The following MX2 variants were observed in gnomAD, a reference collection of about 807,000 sequenced individuals.
MX2 encodes interferon-induced GTP-binding protein Mx2.
A neutral mutation model predicts 74.0 loss-of-function variants in MX2; 51 were observed. The observed-to-expected ratio is 0.69, with a 90% confidence interval of 0.55 to 0.87. The LOEUF (loss-of-function observed/expected upper bound fraction) is 0.87. MX2 is among the 40% of genes least tolerant of loss of function. The pLI is 0.00. For missense variants in MX2, 832 were observed against 908.7 expected (o/e 0.92, Z 1.09); for synonymous variants, 369 against 339.3 (o/e 1.09, Z -0.96).
chr21:41,401,792 A>C (rs1019489287), intron 10 of MX2, 178 bp from the exon 11 acceptor site: 2 of 576,380 alleles, frequency 3.5e-6, no homozygotes, highest in Admixed American at 3.6e-5. Flanking sequence ...CCCAAAAGTC[A>C]GTATTTCTTA....
At chr21:41,377,634 GC>G (rs938562620) in intron 2 of MX2, among the ~76,000 whole-genome samples, 154 bp from the exon 3 acceptor site, 52 of 152,114 alleles carry the variant, frequency 3.4e-4, no homozygotes, top group Non-Finnish European at 6.6e-4. Flanking sequence ...GAACAGAAGG[GC>G]CCCTGAAAGC....
intron 6 of MX2, among the ~76,000 whole-genome samples, chr21:41,391,684 C>CTAT (rs1336389468): frequency 6.6e-6 from 1 of 151,952 alleles, no homozygotes; most frequent in Non-Finnish European, 1.5e-5. Context: ...TCCCAGCCAG[C>CTAT]TATTATTATT....
chr21:41,382,021 C>T (rs981434551), intron 4 of MX2, among the ~76,000 whole-genome samples: 10 of 152,144 alleles, frequency 6.6e-5, no homozygotes, highest in Admixed American at 3.3e-4. Context: ...AGAAACAAGC[C>T]CCTATGTCCA....
At chr21:41,404,873 CAAAAAAAAAAA>C (rs547207365) in intron 12 of MX2, 1 of 69,092 alleles carries the variant, frequency 1.4e-5, no homozygotes, top group South Asian at 4.2e-4. Context: ...CACATATACT[CAAAAAAAAAAA>C]AAAAAAAGAA....
At chr21:41,377,515 G>A (rs567346145) in intron 2 of MX2, among the ~76,000 whole-genome samples, 2 of 152,210 alleles carry the variant, frequency 1.3e-5, no homozygotes, top group South Asian at 4.2e-4. Flanking sequence ...TCTGCCTCTT[G>A]GAACTTCTTC....
chr21:41,396,528 G>T (rs1457733165), intron 7 of MX2, among the ~76,000 whole-genome samples: 4 of 152,070 alleles, frequency 2.6e-5, no homozygotes, highest in African/African-American at 9.7e-5. Context: ...CTGACTATGT[G>T]ATCTTACAAT....
chr21:41,377,727 C>T (rs2089425406), intron 2 of MX2, 62 bp from the exon 3 acceptor site: 62 of 1,521,212 alleles, frequency 4.1e-5, no homozygotes, highest in Non-Finnish European at 5.5e-5. Context: ...TGCCACACAT[C>T]TCCATGACAC....
At chr21:41,404,965 C>T (rs567539363) in intron 12 of MX2, 1 of 151,580 alleles carries the variant, frequency 6.6e-6, no homozygotes, top group South Asian at 2.1e-4. Context: ...CTCACTCTCT[C>T]ACTCTCAAGC....
intron 9 of MX2, 42 bp downstream of exon 9, chr21:41,399,061 C>T: frequency 1.3e-6 from 2 of 1,599,326 alleles, no homozygotes; most frequent in East Asian, 2.2e-5. Context: ...TGCATCCTTC[C>T]CTGGTGGCCC....
intron 6 of MX2, among the ~76,000 whole-genome samples, chr21:41,394,728 G>A (rs976015408): frequency 6.6e-6 from 1 of 152,118 alleles, no homozygotes; most frequent in African/African-American, 2.4e-5. Flanking sequence ...GGATCATGAG[G>A]TCGGGAGTTT....
intron 3 of MX2, among the ~76,000 whole-genome samples, chr21:41,379,026 C>A (rs892963424): frequency 6.6e-6 from 1 of 152,226 alleles, no homozygotes; most frequent in Non-Finnish European, 1.5e-5. Context: ...CCCCCTGCAA[C>A]AACCGCAAAG....
intron 12 of MX2, 120 bp downstream of exon 12, chr21:41,403,463 A>AGGCTGGCAG (rs1601434460): frequency 4.2e-6 from 4 of 942,396 alleles, no homozygotes; most frequent in East Asian, 5.0e-5. Context: ...CAGGCTGGCG[A>AGGCTGGCAG]GGCTGGCAGG....
At chr21:41,400,032 C>T (rs2089790561) in intron 10 of MX2, among the ~76,000 whole-genome samples, 1 of 152,250 alleles carries the variant, frequency 6.6e-6, no homozygotes, top group Non-Finnish European at 1.5e-5. Flanking sequence ...GAAGGCTCTC[C>T]AGCCACTGTT....
chr21:41,369,017 T>C (rs910731234), intron 1 of MX2, among the ~76,000 whole-genome samples: 1 of 152,142 alleles, frequency 6.6e-6, no homozygotes, highest in African/African-American at 2.4e-5. Flanking sequence ...CCTGAGAAAG[T>C]CTCCGTAGGG....
intron 1 of MX2, among the ~76,000 whole-genome samples, chr21:41,374,539 C>T (rs1329373881): frequency 1.3e-5 from 2 of 152,204 alleles, no homozygotes; most frequent in African/African-American, 4.8e-5. Flanking sequence ...GACCTTCTAA[C>T]GAGCCACATG....
intron 3 of MX2, among the ~76,000 whole-genome samples, chr21:41,379,661 C>T (rs534855260): frequency 3.8e-4 from 58 of 152,258 alleles, no homozygotes; most frequent in African/African-American, 1.3e-3. Flanking sequence ...TGCAGAAAGA[C>T]GGGGAGCCTG....
At chr21:41,386,303 C>T (rs2089577087) in intron 5 of MX2, among the ~76,000 whole-genome samples, 1 of 150,348 alleles carries the variant, frequency 6.7e-6, no homozygotes, top group Non-Finnish European at 1.5e-5. Context: ...TTTGCCCGTG[C>T]ACACTCTCTC....
chr21:41,378,835 C>T (rs2089449804), intron 3 of MX2, among the ~76,000 whole-genome samples: 1 of 152,108 alleles, frequency 6.6e-6, no homozygotes, highest in South Asian at 2.1e-4. Flanking sequence ...GGGGCCCTGG[C>T]AGGTGCAGCG....
At chr21:41,397,187 T>C (rs1294416170) in intron 7 of MX2, among the ~76,000 whole-genome samples, 1 of 152,236 alleles carries the variant, frequency 6.6e-6, no homozygotes, top group Non-Finnish European at 1.5e-5. Flanking sequence ...GCTTAACCTT[T>C]CTGTGTCTCA....
Sources: allele counts gnomAD v4.1 joint callset (sites outside exome capture counted in the v4.1 genomes callset), GRCh38; gene constraint gnomAD v4.1.1; transcripts MANE v1.5; gene names NCBI Gene and HGNC (gene_info 2026-07-23, HGNC 2026-07-21).